The following NBEAL1 variants were observed in gnomAD, a reference collection of about 807,000 sequenced individuals.
NBEAL1 encodes neurobeachin-like protein 1.
A neutral mutation model predicts 351.3 loss-of-function variants in NBEAL1; 273 were observed. The ratio of observed to expected loss-of-function variants is 0.78; its 90% CI spans 0.70 to 0.86. NBEAL1 has a LOEUF of 0.86. Ranked by LOEUF, NBEAL1 falls within the 40% of genes least tolerant of loss-of-function variation. NBEAL1 has a pLI of 0.00. For missense variants in NBEAL1, 2,961 were observed against 3,201.3 expected, an observed-to-expected ratio of 0.92 and a Z score of 1.81; for synonymous variants, 1,050 against 1,086.4, an observed-to-expected ratio of 0.97 and a Z score of 0.66.
intron 10 of NBEAL1, among the ~76,000 whole-genome samples, chr2:203,088,275 C>T (rs1373572820): frequency 6.6e-6 from 1 of 151,808 alleles, no homozygotes; most frequent in Non-Finnish European, 1.5e-5. Context: ...TTTTTCACTA[C>T]CAGTAAGTCT....
intron 51 of NBEAL1, among the ~76,000 whole-genome samples, chr2:203,207,906 T>G (rs1461189527): frequency 6.6e-6 from 1 of 152,136 alleles, no homozygotes; most frequent in Admixed American, 6.5e-5. Flanking sequence ...TTAAAGCAGT[T>G]AGAGAAAGAA....
At chr2:203,042,598 T>C (rs2061160706) in intron 3 of NBEAL1, among the ~76,000 whole-genome samples, 1 of 152,018 alleles carries the variant, frequency 6.6e-6, no homozygotes, top group African/African-American at 2.4e-5. Flanking sequence ...TTTTTTTTTT[T>C]TTCTTTTTTT....
At chr2:203,093,379 T>G (rs2062109205) in intron 10 of NBEAL1, among the ~76,000 whole-genome samples, 1 of 152,192 alleles carries the variant, frequency 6.6e-6, no homozygotes, top group African/African-American at 2.4e-5. Flanking sequence ...GAATATCTTT[T>G]TAAAAAATAC....
Position 203,099,656 on chromosome 2 carries a change from G to A in NBEAL1, c.1213G>A (p.Ala405Thr). 1.9e-6 allele frequency: 3 copies of A among 1,551,266 alleles called. No individual in the cohort carries two copies. Among genetic ancestry groups the A allele is most frequent in the Non-Finnish European group, 2.6e-6 (3 of 1,146,694 alleles). ...GTTTCAGGGACAATTGGATTGTTTG[G>A]CCATATCAACCATTCAGGCTTTGAC... ...QVFQGQLDCL[A>T]ISTIQALTAV... is the part of the protein sequence containing the mutation. Residue 405 changes from alanine (A) to threonine (T), a missense_variant, in exon 12 of 56, where the codon GCC becomes ACC. Transcript: ENST00000683969.
At chr2:203,099,823 G>T in intron 12 of NBEAL1, 111 bp downstream of exon 12, 2 of 691,092 alleles carry the variant, frequency 2.9e-6, no homozygotes, top group Non-Finnish European at 4.7e-6. Context: ...GGGATTTGGT[G>T]TACAGATTAT....
At chr2:203,200,886 T>C (rs199659285) in intron 49 of NBEAL1, among the ~76,000 whole-genome samples, 1 of 152,214 alleles carries the variant, frequency 6.6e-6, no homozygotes, top group East Asian at 1.9e-4. Flanking sequence ...AGTACTGTTA[T>C]GTTTTGCAAG....
chr2:203,187,268 G>A (rs890705159), intron 44 of NBEAL1, among the ~76,000 whole-genome samples: 2 of 151,438 alleles, frequency 1.3e-5, no homozygotes, highest in African/African-American at 4.9e-5. Context: ...ATGTTGCCCA[G>A]GCTGGTCTTG....
At chr2:203,072,773 C>A (rs2061703628) in intron 7 of NBEAL1, among the ~76,000 whole-genome samples, 1 of 152,134 alleles carries the variant, frequency 6.6e-6, no homozygotes, top group Non-Finnish European at 1.5e-5. Context: ...CAGCATGCAC[C>A]TCAAAACTCT....
intron 48 of NBEAL1, among the ~76,000 whole-genome samples, chr2:203,197,713 G>A (rs2065278468): frequency 6.6e-6 from 1 of 152,228 alleles, no homozygotes; most frequent in East Asian, 1.9e-4. Context: ...TTCAAGACCA[G>A]CTTGGGCAAC....
At chr2:203,171,843 T>A in intron 39 of NBEAL1, 85 bp from the exon 40 acceptor site, 1 of 543,356 alleles carries the variant, frequency 1.8e-6, no homozygotes, top group Non-Finnish European at 3.1e-6. Context: ...TTTTAGCCCA[T>A]TCTTGGTACT....
chr2:203,206,335 C>T (rs914323657), intron 51 of NBEAL1, among the ~76,000 whole-genome samples: 1 of 152,150 alleles, frequency 6.6e-6, no homozygotes, highest in African/African-American at 2.4e-5. Context: ...ATTACAAACA[C>T]AAATAAACCT....
rs2106072147 is a variant in NBEAL1, at chr2:203,049,986, G to A, written c.305+11G>A. The A allele has an allele frequency of 6.5e-7, 1 of 1,548,788 alleles. No homozygotes were observed. The highest frequency in any genetic ancestry group is 8.7e-7 in the Non-Finnish European group (1 of 1,145,468). On this transcript the variant is annotated intron_variant, in intron 4 of 55. Transcript: ENST00000683969. Reference sequence around the variant, plus strand: ...CATTATTCTTTGCAGGTATCTAGTAGAAAAAATAAGCTAGTTTTCACTCAT... The same window carrying A: ...CATTATTCTTTGCAGGTATCTAGTAAAAAAAATAAGCTAGTTTTCACTCAT...
intron 44 of NBEAL1, among the ~76,000 whole-genome samples, chr2:203,186,538 C>T (rs939678552): frequency 2.0e-5 from 3 of 152,128 alleles, no homozygotes; most frequent in Non-Finnish European, 4.4e-5. Flanking sequence ...AGTCCTGTCT[C>T]CCGAGAGGGG....
intron 51 of NBEAL1, among the ~76,000 whole-genome samples, chr2:203,206,718 G>A (rs1023782462): frequency 6.6e-6 from 1 of 152,054 alleles, no homozygotes; most frequent in Non-Finnish European, 1.5e-5. Flanking sequence ...CCTTCACTCA[G>A]TGCTCAATGG....
rs115635317 is a variant in NBEAL1 at position 203,125,546 on chromosome 2, T to C, written c.2851+26T>C. On this transcript the variant is annotated intron_variant, in intron 20 of 55. Transcript: ENST00000683969. ...GTATTAAGATGAAATTAACACAAAA[T>C]AGTCATTGAGAAATTTGAGAATTAA... is the stretch of plus-strand genomic sequence containing the variant. 4.9e-4 allele frequency: 671 copies of C among 1,369,084 alleles called. 3 individuals are homozygous for C. The African/African-American group carries it at 9.0e-3, about 18-fold the overall frequency. 84.8% of individuals were successfully genotyped at this position (1,369,084 alleles called of 1,614,324 possible).
In NBEAL1 at chr2:203,068,534, A is replaced by G. The variant is rs577472700; in HGVS notation, c.598+59A>G. 35 of 950,860 alleles carry G rather than the reference A, an allele frequency of 3.7e-5. No individual in the cohort carries two copies. In the South Asian group the frequency reaches 5.3e-4, roughly 14 times the overall value. 58.9% of individuals were successfully genotyped at this position (950,860 alleles called of 1,614,324 possible). Reference sequence around the variant, plus strand: ...TATCATCTTACTCTGATTACTTTTTATTCTTACTCTGATTCTGATCTTGAT... The same window carrying G: ...TATCATCTTACTCTGATTACTTTTTGTTCTTACTCTGATTCTGATCTTGAT... On this transcript the variant is annotated intron_variant, in intron 7 of 55. Transcript: ENST00000683969.
At chr2:203,183,164 G>C in intron 43 of NBEAL1, 115 bp from the exon 44 acceptor site, 1 of 547,390 alleles carries the variant, frequency 1.8e-6, no homozygotes, top group Non-Finnish European at 3.2e-6. Context: ...CAATAGATAA[G>C]AATTTTAAAA....
rs1382112135 is a variant in NBEAL1, at chr2:203,127,949, A to G, written c.3405+12A>G. 3 of 1,539,162 alleles carry G rather than the reference A, an allele frequency of 1.9e-6. No individual in the cohort carries two copies. In the Admixed American group the frequency reaches 6.0e-5, roughly 31 times the overall value. ...ATGAAGAAGAACAGGTATTATGCCT[A>G]AGATACATCTACTTTTCCTTTTTAA... On this transcript the variant is annotated intron_variant, in intron 24 of 55. Coordinates refer to ENST00000683969, the MANE Select transcript of NBEAL1 (RefSeq NM_001378026.1).
At chr2:203,045,948 T>G (rs1443524232) in intron 3 of NBEAL1, among the ~76,000 whole-genome samples, 1 of 152,194 alleles carries the variant, frequency 6.6e-6, no homozygotes, top group African/African-American at 2.4e-5. Flanking sequence ...TTATAGATCT[T>G]TCTATATTTC....
Sources: allele counts gnomAD v4.1 joint callset (sites outside exome capture counted in the v4.1 genomes callset), GRCh38; gene constraint gnomAD v4.1.1; transcripts MANE v1.5; gene names NCBI Gene and HGNC (gene_info 2026-07-23, HGNC 2026-07-21).